The following ACOT12 variants were observed in gnomAD, a reference collection of about 807,000 sequenced individuals.
ACOT12 encodes the protein acyl-CoA thioesterase 12.
Under a neutral mutation model 67.7 loss-of-function variants are expected in ACOT12, and 51 were observed. The observed-to-expected ratio is 0.75, with a 90% CI of 0.60 to 0.95. The LOEUF (loss-of-function observed/expected upper bound fraction) is 0.95. ACOT12 is among the 40% of genes least tolerant of loss of function. The pLI is 0.00. For missense variants in ACOT12, 734 were observed against 708.1 expected (o/e 1.04, Z -0.41); for synonymous variants, 251 against 244.6 (o/e 1.03, Z -0.24).
At chr5:81,388,483 G>A (rs17230425) in intron 1 of ACOT12, among the ~76,000 whole-genome samples, 23,511 of 152,190 alleles carry the variant, frequency 0.15, 2,335 homozygotes, top group Admixed American at 0.22. Context: ...TGATTTCCTG[G>A]GAGAACAAAG....
downstream of ACOT12, among the ~76,000 whole-genome samples, chr5:81,327,614 T>C (rs1276779362): frequency 1.3e-5 from 2 of 152,240 alleles, no homozygotes; most frequent in African/African-American, 2.4e-5. Context: ...CTAATTTTTG[T>C]ATTTTTAGTA....
chr5:81,323,984 C>T, the ACOT12 span, among the ~76,000 whole-genome samples: 28 of 151,232 alleles, frequency 1.9e-4, no homozygotes, highest in East Asian at 3.5e-3. Context: ...CTCTGTTGGC[C>T]AGGCTGGAGT....
At chr5:81,309,069 T>C in the ACOT12 span, 56 of 1,508,702 alleles carry the variant, frequency 3.7e-5, no homozygotes, top group Non-Finnish European at 4.6e-5. Flanking sequence ...ATAGCAGAAA[T>C]GGTGAGTCAT....
chr5:81,358,136 T>A (rs11745197), intron 5 of ACOT12, among the ~76,000 whole-genome samples: 25,180 of 152,124 alleles, frequency 0.17, 2,280 homozygotes, highest in African/African-American at 0.21. Context: ...TGTAATTTCA[T>A]TGAGGACAGA....
At chr5:81,386,035 C>T (rs553792306) in intron 1 of ACOT12, among the ~76,000 whole-genome samples, 6 of 152,182 alleles carry the variant, frequency 3.9e-5, no homozygotes, top group Non-Finnish European at 8.8e-5. Flanking sequence ...GTAATTACTG[C>T]ACTTTTTATC....
intron 5 of ACOT12, among the ~76,000 whole-genome samples, chr5:81,358,727 T>C (rs1170019089): frequency 6.6e-6 from 1 of 152,112 alleles, no homozygotes; most frequent in Non-Finnish European, 1.5e-5. Context: ...CACGCGCCTA[T>C]AATCCCAGCT....
At chr5:81,316,577 C>T in the ACOT12 span, among the ~76,000 whole-genome samples, 1 of 152,144 alleles carries the variant, frequency 6.6e-6, no homozygotes, top group South Asian at 2.1e-4. Flanking sequence ...TGTGTATAAT[C>T]TTGTGAGGAC....
At chr5:81,379,825 C>A (rs56171219) in intron 2 of ACOT12, among the ~76,000 whole-genome samples, 1 of 152,106 alleles carries the variant, frequency 6.6e-6, no homozygotes, top group East Asian at 1.9e-4. Context: ...GCCTTAAATT[C>A]CTGGGGTCAA....
chr5:81,379,395 G>C (rs1325431223), intron 2 of ACOT12, among the ~76,000 whole-genome samples: 7 of 151,894 alleles, frequency 4.6e-5, no homozygotes, highest in Non-Finnish European at 8.8e-5. Context: ...TGGGTTGATG[G>C]GTGCAGCAAA....
At chr5:81,308,899 C>T in the ACOT12 span, 97 of 1,507,004 alleles carry the variant, frequency 6.4e-5, 1 homozygote, top group East Asian at 6.6e-4. Context: ...AATTTTATGA[C>T]TTGCCATATG....
chr5:81,341,063 G>A (rs1759178187), intron 11 of ACOT12, among the ~76,000 whole-genome samples: 1 of 152,194 alleles, frequency 6.6e-6, no homozygotes, highest in Non-Finnish European at 1.5e-5. Context: ...TGTTCTTTCA[G>A]TTCATTCCAG....
intron 2 of ACOT12, among the ~76,000 whole-genome samples, chr5:81,374,463 A>G (rs936138335): frequency 3.9e-5 from 6 of 152,194 alleles, no homozygotes; most frequent in Non-Finnish European, 8.8e-5. Context: ...CGTGCCAGGA[A>G]GGGAAAAAAA....
intron 5 of ACOT12, among the ~76,000 whole-genome samples, chr5:81,351,905 T>C (rs1046944910): frequency 1.3e-5 from 2 of 152,026 alleles, no homozygotes; most frequent in Non-Finnish European, 2.9e-5. Flanking sequence ...AACAGCACTA[T>C]AGGAAAAAAA....
chr5:81,322,390 G>T, the ACOT12 span, among the ~76,000 whole-genome samples: 1 of 151,382 alleles, frequency 6.6e-6, no homozygotes, highest in South Asian at 2.1e-4. Flanking sequence ...CCGGAAGGCG[G>T]AAGTTGCAGT....
the ACOT12 span, among the ~76,000 whole-genome samples, chr5:81,318,532 T>C: frequency 5.3e-5 from 8 of 152,208 alleles, no homozygotes; most frequent in Admixed American, 1.3e-4. Flanking sequence ...TTTTCCCTTA[T>C]ATTTTCATAT....
chr5:81,335,230 T>C (rs994060815), intron 12 of ACOT12, among the ~76,000 whole-genome samples: 3 of 152,200 alleles, frequency 2.0e-5, no homozygotes, highest in Non-Finnish European at 2.9e-5. Context: ...GGAAATAATA[T>C]TGACCTTGAA....
At chr5:81,336,987 T>C (rs1479677409) in intron 11 of ACOT12, among the ~76,000 whole-genome samples, 2 of 152,218 alleles carry the variant, frequency 1.3e-5, no homozygotes, top group Non-Finnish European at 2.9e-5. Context: ...AAATCCAGCC[T>C]GCAAAGGAAG....
rs1196917281 is a variant in ACOT12 at position 81,344,895 on chromosome 5, G to A, written c.920C>T (p.Ser307Leu). Residue 307 changes from serine to leucine, a missense_variant, in exon 8 of 15, where the codon TCA becomes TTA. Transcript: ENST00000307624. The part of the protein sequence containing the change: ...LITFPRIQPI[S>L]KDDFRRYRGA... ...CCTCGTGTGATAATAACTGACCTTT[G>A]AAATGGGTTGGATTCTGGGAAACGT... is the stretch of plus-strand genomic sequence containing the variant. 6.2e-7 allele frequency: 1 copy of A among 1,614,032 alleles called. No homozygotes were observed. The highest frequency in any genetic ancestry group is 8.5e-7 in the Non-Finnish European group (1 of 1,180,012).
At chr5:81,392,566 C>G (rs1760892960) in intron 1 of ACOT12, among the ~76,000 whole-genome samples, 1 of 152,134 alleles carries the variant, frequency 6.6e-6, no homozygotes, top group African/African-American at 2.4e-5. Flanking sequence ...CATCACAAGA[C>G]AGAGGCACTA....
Sources: gnomAD v4.1 joint callset for allele counts (sites outside exome capture counted in the v4.1 genomes callset) on GRCh38, gnomAD v4.1.1 for gene constraint, MANE v1.5 for transcripts, NCBI Gene and HGNC (gene_info 2026-07-23, HGNC 2026-07-21) for gene names.